The following STXBP5 variants were observed in gnomAD, a reference collection of about 807,000 sequenced individuals.
The protein encoded by STXBP5 is syntaxin binding protein 5.
A neutral mutation model predicts 152.4 loss-of-function variants in STXBP5; 50 were observed. That is an observed-to-expected ratio of 0.33 (90% CI 0.26 to 0.42). The LOEUF (loss-of-function observed/expected upper bound fraction) is 0.42. STXBP5 is among the 10% of genes least tolerant of loss of function. The pLI is 1.00. For synonymous variants in STXBP5, 492 were observed against 494.7 expected, an observed-to-expected ratio of 0.99 and a Z score of 0.07; for missense variants, 1,167 against 1,388.6, an observed-to-expected ratio of 0.84 and a Z score of 2.54.
intron 2 of STXBP5, among the ~76,000 whole-genome samples, chr6:147,210,699 T>C (rs931910115): frequency 6.6e-6 from 1 of 152,178 alleles, no homozygotes; most frequent in Non-Finnish European, 1.5e-5. Flanking sequence ...CTTCACCAGT[T>C]AAATAAGAAT....
At position 147,359,260 on chromosome 6, in the gene STXBP5, G is replaced by A; in HGVS notation, c.2482G>A (p.Ala828Thr). The A allele has an allele frequency of 6.2e-7, 1 of 1,613,998 alleles. No homozygotes were observed. Among genetic ancestry groups the A allele is most frequent in the Non-Finnish European group, 8.5e-7 (1 of 1,179,924 alleles). ...AACGCTAGGAACAGTGCTTGTCATTGCACTGAACCTTCCCCCAGGGGGAGA... is the reference window on the plus strand; with the variant it reads ...AACGCTAGGAACAGTGCTTGTCATTACACTGAACCTTCCCCCAGGGGGAGA... ...GTTLGTVLVIALNLPPGGEQR... is the reference protein window; with the variant it reads ...GTTLGTVLVITLNLPPGGEQR... Residue 828 changes from alanine (A) to threonine (T), a missense_variant, in exon 23 of 28, where the codon GCA (alanine) becomes ACA (threonine). Around this residue, in one of 3 missense-constraint regions of STXBP5, gnomAD observed 833 missense variants for 986.3 expected, o/e 0.84. Coordinates refer to ENST00000321680, the MANE Select transcript of STXBP5 (RefSeq NM_001127715.4).
chr6:147,265,915 A>G (rs1779871408), intron 6 of STXBP5, among the ~76,000 whole-genome samples: 1 of 152,006 alleles, frequency 6.6e-6, no homozygotes, highest in Non-Finnish European at 1.5e-5. Context: ...CGAATTAAAA[A>G]AAAAAAGTAC....
At chr6:147,236,865 G>A (rs1268801629) in intron 3 of STXBP5, among the ~76,000 whole-genome samples, 3 of 148,020 alleles carry the variant, frequency 2.0e-5, no homozygotes, top group South Asian at 2.2e-4. Context: ...TGCAACCTCC[G>A]CCTCCCGGGT....
chr6:147,268,596 A>G (rs1376425779), intron 7 of STXBP5, among the ~76,000 whole-genome samples: 1 of 152,202 alleles, frequency 6.6e-6, no homozygotes, highest in East Asian at 1.9e-4. Context: ...TTAAACAAGC[A>G]TGTTTTGAAT....
chr6:147,340,494 G>A (rs531607834), intron 21 of STXBP5, among the ~76,000 whole-genome samples: 42 of 151,968 alleles, frequency 2.8e-4, no homozygotes, highest in African/African-American at 9.6e-4. Flanking sequence ...TTATGTACTA[G>A]CACTATGGCA....
intron 4 of STXBP5, among the ~76,000 whole-genome samples, chr6:147,254,953 A>C (rs1294098994): frequency 6.6e-6 from 1 of 152,214 alleles, no homozygotes; most frequent in East Asian, 1.9e-4. Context: ...TTGACCCAGC[A>C]ATCCCATTAC....
chr6:147,359,369 A>G (rs1187088616), intron 23 of STXBP5, 46 bp downstream of exon 23: 2 of 1,569,952 alleles, frequency 1.3e-6, no homozygotes, highest in East Asian at 4.5e-5. Context: ...GGTGTGATTT[A>G]CTATGATAGA....
intron 16 of STXBP5, among the ~76,000 whole-genome samples, chr6:147,319,336 TTATC>T (rs1342853024): frequency 1.3e-5 from 2 of 152,140 alleles, no homozygotes; most frequent in African/African-American, 4.8e-5. Context: ...TTAATATTAT[TTATC>T]TGTTAACAAA....
At chr6:147,327,682 A>T (rs1021813441) in intron 18 of STXBP5, among the ~76,000 whole-genome samples, 1 of 152,104 alleles carries the variant, frequency 6.6e-6, no homozygotes, top group African/African-American at 2.4e-5. Flanking sequence ...GACTCAAGTG[A>T]TCCCCTGCCT....
intron 26 of STXBP5, among the ~76,000 whole-genome samples, chr6:147,377,588 GT>G (rs1223582780): frequency 6.6e-6 from 1 of 152,078 alleles, no homozygotes; most frequent in Non-Finnish European, 1.5e-5. Context: ...GGATTGAGTT[GT>G]TTGGGGGCCC....
intron 27 of STXBP5, 106 bp downstream of exon 27, chr6:147,383,104 A>C: frequency 2.3e-6 from 3 of 1,316,330 alleles, no homozygotes; most frequent in Admixed American, 4.3e-5. Flanking sequence ...GAATTTGCAT[A>C]TATTCATTGT....
intron 2 of STXBP5, among the ~76,000 whole-genome samples, chr6:147,213,434 A>ATGTGTGTGTGTGTGTGTGTGTG (rs1159372834): frequency 1.2e-4 from 10 of 85,532 alleles, no homozygotes; most frequent in African/African-American, 3.5e-4. Flanking sequence ...AATTTTATAT[A>ATGTGTGTGTGTGTGTGTGTGTG]TGTGTGTGTG....
rs1778535267 is a variant in STXBP5, at chr6:147,241,425, A to G, written c.431+2155A>G. Among the ~76,000 whole-genome samples, 3 of 152,190 alleles carry G rather than the reference A, an allele frequency of 2.0e-5. No homozygotes were observed. The South Asian group carries it at 6.2e-4, about 32-fold the overall frequency. ...GAATAGTTTCACTGACCGAAAAACCAATATGTGTCACCTGTTTATCCATAC... is the reference window on the plus strand; with the variant it reads ...GAATAGTTTCACTGACCGAAAAACCGATATGTGTCACCTGTTTATCCATAC... On this transcript the variant is annotated intron_variant, in intron 4 of 27. Transcript: ENST00000321680.
In STXBP5 at chr6:147,363,716, A is replaced by G. The variant is rs776489099; in HGVS notation, c.2915+12A>G. ...ATAATGACTTTTAGGTAAGAGTTAGATATGTTTTAAAACACAGATATAGCA... is the reference window on the plus strand; with the variant it reads ...ATAATGACTTTTAGGTAAGAGTTAGGTATGTTTTAAAACACAGATATAGCA... On this transcript the variant is annotated intron_variant, in intron 24 of 27. Coordinates refer to ENST00000321680, the MANE Select transcript of STXBP5 (RefSeq NM_001127715.4). 4 of 1,590,680 alleles carry G rather than the reference A, an allele frequency of 2.5e-6. No homozygotes were observed. The Admixed American group carries it at 5.3e-5, about 21-fold the overall frequency.
At chr6:147,321,965 T>C (rs1379876493) in intron 16 of STXBP5, among the ~76,000 whole-genome samples, 2 of 152,244 alleles carry the variant, frequency 1.3e-5, no homozygotes, top group Non-Finnish European at 2.9e-5. Context: ...TTATTTTTAC[T>C]TAAGAACGTT....
chr6:147,363,868 AT>A (rs1420076225), intron 24 of STXBP5, 132 bp from the exon 25 acceptor site: 2 of 1,363,148 alleles, frequency 1.5e-6, no homozygotes, highest in African/African-American at 1.5e-5. Context: ...AGTATAAACC[AT>A]TTTTTATCTC....
rs530696289 is a variant in STXBP5, at chr6:147,242,422, A to G, written c.431+3152A>G. On this transcript the variant is annotated intron_variant, in intron 4 of 27. Coordinates refer to ENST00000321680, the MANE Select transcript of STXBP5 (RefSeq NM_001127715.4). Reference sequence around the variant, plus strand: ...TAAATTTAGCCTGGACTAAGAGTCCAGTGTTTATAAAGTCTACACTAGGGT... The same window carrying G: ...TAAATTTAGCCTGGACTAAGAGTCCGGTGTTTATAAAGTCTACACTAGGGT... Among the ~76,000 whole-genome samples the G allele has an allele frequency of 2.6e-5, 4 of 152,262 alleles. No individual in the cohort carries two copies. The East Asian group carries it at 5.8e-4, about 22-fold the overall frequency.
intron 4 of STXBP5, among the ~76,000 whole-genome samples, chr6:147,257,595 C>A (rs909666493): frequency 1.3e-5 from 2 of 151,976 alleles, no homozygotes; most frequent in Admixed American, 1.3e-4. Context: ...AAAAAATAAT[C>A]TTTAAGAAAA....
chr6:147,261,897 A>G (rs967630603), intron 5 of STXBP5, among the ~76,000 whole-genome samples: 8 of 151,658 alleles, frequency 5.3e-5, no homozygotes, highest in African/African-American at 1.9e-4. Context: ...ATGTTTTTCT[A>G]TTTCTATTGA....
Sources: allele counts gnomAD v4.1 joint callset (sites outside exome capture counted in the v4.1 genomes callset), GRCh38; gene constraint gnomAD v4.1.1; regional missense constraint gnomAD v4.1.1; transcripts MANE v1.5; gene names NCBI Gene and HGNC (gene_info 2026-07-23, HGNC 2026-07-21).